The following MTDH variants were observed in gnomAD, a reference collection of about 807,000 sequenced individuals.
The protein encoded by MTDH is protein LYRIC.
Under a neutral mutation model 72.7 loss-of-function variants are expected in MTDH, and 34 were observed. The observed-to-expected ratio is 0.47, with a 90% CI of 0.36 to 0.62. The LOEUF is 0.62. MTDH is among the 20% of genes least tolerant of loss of function. The pLI is 0.00. For missense variants in MTDH, 677 were observed against 699.4 expected, an observed-to-expected ratio of 0.97 and a Z score of 0.36; for synonymous variants, 266 against 268.9, an observed-to-expected ratio of 0.99 and a Z score of 0.10.
At chr8:97,709,828 C>T (rs1045512849) in intron 8 of MTDH, among the ~76,000 whole-genome samples, 1 of 152,094 alleles carries the variant, frequency 6.6e-6, no homozygotes, top group Non-Finnish European at 1.5e-5. Flanking sequence ...TCAGTAATGT[C>T]CTTTTTATTT....
intron 2 of MTDH, among the ~76,000 whole-genome samples, chr8:97,681,733 T>C (rs976633013): frequency 1.3e-5 from 2 of 152,002 alleles, no homozygotes; most frequent in Non-Finnish European, 2.9e-5. Context: ...CCTCAGGTAA[T>C]CCGCCCACCT....
At chr8:97,687,374 T>C in intron 3 of MTDH, 55 bp from the exon 4 acceptor site, 1 of 1,479,784 alleles carries the variant, frequency 6.8e-7, no homozygotes, top group African/African-American at 1.4e-5. Context: ...CCCAAAACTA[T>C]AACTTTTTTG....
chr8:97,654,762 C>A (rs760094573), intron 1 of MTDH, among the ~76,000 whole-genome samples: 7 of 152,128 alleles, frequency 4.6e-5, no homozygotes, highest in Non-Finnish European at 8.8e-5. Context: ...TACACACACA[C>A]ACACAATGCC....
At chr8:97,662,492 A>G (rs927071774) in intron 2 of MTDH, among the ~76,000 whole-genome samples, 1 of 149,704 alleles carries the variant, frequency 6.7e-6, no homozygotes, top group Non-Finnish European at 1.5e-5. Context: ...GTGGTATGAA[A>G]TGGTTGCTGC....
intron 1 of MTDH, among the ~76,000 whole-genome samples, chr8:97,659,561 T>A (rs889789803): frequency 1.3e-5 from 2 of 152,232 alleles, no homozygotes; most frequent in Non-Finnish European, 2.9e-5. Context: ...TCCAACTTTG[T>A]ATCCCTGATC....
intron 2 of MTDH, among the ~76,000 whole-genome samples, chr8:97,677,674 G>C (rs1468159502): frequency 6.6e-6 from 1 of 151,934 alleles, no homozygotes; most frequent in African/African-American, 2.4e-5. Flanking sequence ...TTATACTTTT[G>C]GTATTTAAAA....
chr8:97,644,810 G>T lies in MTDH; in HGVS notation c.304G>T (p.Asp102Tyr), dbSNP rs776656410. The change falls in exon 1 of 12, where the codon GAC (aspartate) becomes TAC (tyrosine). Residue 102 changes from aspartate to tyrosine, a missense_variant. Asp to Tyr is a radical substitution (Grantham distance 160, BLOSUM62 -3). This residue lies in a region of MTDH where 467 missense variants were observed against 469.1 expected (regional missense o/e 1.00). Transcript: ENST00000336273. ...GGCCGTGCCGGCCGCGGCCCCCGAC[G>T]ACCTGGCCTTGCTGAAGAATCTCCG... ...AAAVPAAAPD[D>Y]LALLKNLRSE... is the part of the protein sequence containing the mutation. 4 of 1,571,916 alleles carry T rather than the reference G, an allele frequency of 2.5e-6. No homozygotes were observed. In the South Asian group the frequency reaches 4.6e-5, roughly 18 times the overall value.
At chr8:97,707,066 G>A (rs565644662) in intron 8 of MTDH, among the ~76,000 whole-genome samples, 1 of 152,114 alleles carries the variant, frequency 6.6e-6, no homozygotes, top group Non-Finnish European at 1.5e-5. Flanking sequence ...ATAGCAACAC[G>A]TGGTATCAGG....
Position 97,645,208 on chromosome 8 carries a change from T to A in MTDH, c.381+321T>A, listed in dbSNP as rs531113010. On this transcript the variant is annotated intron_variant, in intron 1 of 11. Transcript: ENST00000336273. ...GCTAGAATAAGCACAGCATCCTTCC[T>A]TGAGGCCTGCAGAGTAGGCTGCATG... Among the ~76,000 whole-genome samples, 6 of 152,264 alleles carry A rather than the reference T, an allele frequency of 3.9e-5. No homozygotes were observed. In the South Asian group the frequency reaches 1.2e-3, roughly 32 times the overall value.
intron 2 of MTDH, among the ~76,000 whole-genome samples, chr8:97,677,308 A>G (rs1387996455): frequency 6.6e-6 from 1 of 151,106 alleles, no homozygotes; most frequent in Non-Finnish European, 1.5e-5. Flanking sequence ...CCTGGCCAAG[A>G]TGGTGAAACC....
intron 2 of MTDH, among the ~76,000 whole-genome samples, chr8:97,665,748 A>G (rs537542010): frequency 6.6e-6 from 1 of 152,238 alleles, no homozygotes; most frequent in Non-Finnish European, 1.5e-5. Context: ...TGACTGGTCA[A>G]GATAGGGTAG....
chr8:97,685,357 T>C (rs1813317544), intron 2 of MTDH, among the ~76,000 whole-genome samples: 1 of 152,204 alleles, frequency 6.6e-6, no homozygotes, highest in Non-Finnish European at 1.5e-5. Context: ...ATTTATTTTT[T>C]TAATGTAATC....
intron 10 of MTDH, among the ~76,000 whole-genome samples, chr8:97,722,309 T>G (rs2131088595): frequency 6.6e-6 from 1 of 152,258 alleles, no homozygotes; most frequent in Non-Finnish European, 1.5e-5. Flanking sequence ...AACTTAAGAA[T>G]ATAAAAGTTA....
At chr8:97,663,151 C>T (rs188755061) in intron 2 of MTDH, among the ~76,000 whole-genome samples, 1 of 152,076 alleles carries the variant, frequency 6.6e-6, no homozygotes, top group Admixed American at 6.5e-5. Flanking sequence ...TATACTTACT[C>T]CTGCTTCTAC....
chr8:97,723,469 T>C (rs1022726115), intron 11 of MTDH, among the ~76,000 whole-genome samples: 10 of 144,032 alleles, frequency 6.9e-5, no homozygotes, highest in South Asian at 6.8e-4. Flanking sequence ...TTCTGCCGGG[T>C]GCGGTGGCTC....
chr8:97,716,783 C>T (rs1814890691), intron 9 of MTDH, among the ~76,000 whole-genome samples: 2 of 152,150 alleles, frequency 1.3e-5, no homozygotes, highest in South Asian at 2.1e-4. Flanking sequence ...CAGCTCACTG[C>T]AGCCTCAACC....
chr8:97,681,048 T>C (rs1813047613), intron 2 of MTDH, among the ~76,000 whole-genome samples: 2 of 152,032 alleles, frequency 1.3e-5, no homozygotes, highest in African/African-American at 4.8e-5. Flanking sequence ...AGATGCAAGA[T>C]TATATGTATT....
At chr8:97,706,488 T>TTC in intron 7 of MTDH, 138 bp from the exon 8 acceptor site, 1 of 653,612 alleles carries the variant, frequency 1.5e-6, no homozygotes, top group Non-Finnish European at 2.3e-6. Context: ...TATTTTTTTT[T>TTC]CTGGCTCTTA....
intron 8 of MTDH, among the ~76,000 whole-genome samples, chr8:97,707,429 C>CGT (rs1814402733): frequency 6.9e-6 from 1 of 144,282 alleles, no homozygotes; most frequent in Non-Finnish European, 1.5e-5. Flanking sequence ...GGATTACAGG[C>CGT]GTAAGCCACC....
Sources: gnomAD v4.1 joint callset for allele counts (sites outside exome capture counted in the v4.1 genomes callset) on GRCh38, gnomAD v4.1.1 for gene constraint, gnomAD v4.1.1 regional missense constraint, MANE v1.5 for transcripts, NCBI Gene and HGNC (gene_info 2026-07-23, HGNC 2026-07-21) for gene names.